The following ATRNL1 variants were observed in gnomAD, a reference collection of about 807,000 sequenced individuals.
ATRNL1 encodes attractin like 1.
In ATRNL1, 95 loss-of-function variants were observed where a neutral mutation model predicts 182.7. The ratio of observed to expected loss-of-function variants is 0.52; its 90% CI spans 0.44 to 0.62. The LOEUF (loss-of-function observed/expected upper bound fraction) is 0.62, where lower values mean the gene tolerates loss of function less well. Among genes scored for constraint, ATRNL1 ranks in the 20% least tolerant of loss-of-function variants. The pLI is 0.00. For missense variants in ATRNL1, 1,471 were observed against 1,679.5 expected (o/e 0.88, Z 2.17); for synonymous variants, 576 against 568.3 (o/e 1.01, Z -0.19).
chr10:115,772,693 C>T (rs782635434), intron 27 of ATRNL1, among the ~76,000 whole-genome samples: 11 of 148,832 alleles, frequency 7.4e-5, no homozygotes, highest in Non-Finnish European at 1.6e-4. Context: ...AAGCTAAAAG[C>T]CATAAGTATC....
intron 24 of ATRNL1, among the ~76,000 whole-genome samples, chr10:115,502,895 T>TA (rs1337149285): frequency 3.3e-5 from 5 of 152,056 alleles, no homozygotes; most frequent in Non-Finnish European, 5.9e-5. Flanking sequence ...AGTATAATTT[T>TA]AAAAAAAGGC....
intron 1 of ATRNL1, among the ~76,000 whole-genome samples, chr10:115,094,322 C>T (rs1441012742): frequency 2.6e-5 from 4 of 152,164 alleles, no homozygotes; most frequent in East Asian, 1.9e-4. Flanking sequence ...ACTTCTGATC[C>T]GCTGCTCAGC....
At chr10:115,490,980 G>T (rs1274915200) in intron 24 of ATRNL1, among the ~76,000 whole-genome samples, 1 of 152,112 alleles carries the variant, frequency 6.6e-6, no homozygotes, top group Non-Finnish European at 1.5e-5. Context: ...CCTTCTAACA[G>T]TCAGGCCCCT....
intron 26 of ATRNL1, among the ~76,000 whole-genome samples, chr10:115,662,460 G>C (rs940998387): frequency 6.6e-6 from 1 of 152,072 alleles, no homozygotes; most frequent in East Asian, 1.9e-4. Context: ...CCCATTACTG[G>C]TTATATACCC....
chr10:115,241,508 C>T (rs1276952153), intron 9 of ATRNL1, 63 bp from the exon 10 acceptor site: 2 of 1,140,492 alleles, frequency 1.8e-6, no homozygotes, highest in East Asian at 2.4e-5. Flanking sequence ...CTTTATATAA[C>T]ATATATAAAA....
intron 19 of ATRNL1, among the ~76,000 whole-genome samples, chr10:115,337,774 CT>C (rs1192949592): frequency 6.6e-6 from 1 of 152,084 alleles, no homozygotes; most frequent in Non-Finnish European, 1.5e-5. Context: ...ACCACATTTT[CT>C]TTATCCATTC....
intron 26 of ATRNL1, 140 bp downstream of exon 26, chr10:115,549,676 T>G (rs760981012): frequency 1.2e-5 from 6 of 506,536 alleles, no homozygotes; most frequent in Admixed American, 4.2e-5. Context: ...ATCACTCTAG[T>G]ATTTTTTAAG....
chr10:115,428,801 A>G (rs1362719474), intron 21 of ATRNL1, among the ~76,000 whole-genome samples: 2 of 152,118 alleles, frequency 1.3e-5, no homozygotes, highest in Non-Finnish European at 2.9e-5. Flanking sequence ...GCTGCAGTGA[A>G]TGAACATTCA....
chr10:115,215,932 A>G (rs782394619), intron 9 of ATRNL1, 52 bp downstream of exon 9: 3 of 1,344,246 alleles, frequency 2.2e-6, no homozygotes, highest in Non-Finnish European at 3.0e-6. Flanking sequence ...ATTGTAAATG[A>G]TTGACTTTAA....
intron 9 of ATRNL1, among the ~76,000 whole-genome samples, chr10:115,231,097 A>T (rs1175177045): frequency 6.6e-6 from 1 of 152,128 alleles, no homozygotes; most frequent in Non-Finnish European, 1.5e-5. Context: ...GCTTGTGGAT[A>T]TGTTAAATAG....
intron 19 of ATRNL1, among the ~76,000 whole-genome samples, chr10:115,362,145 G>A (rs186149489): frequency 6.6e-6 from 1 of 152,088 alleles, no homozygotes; most frequent in East Asian, 1.9e-4. Context: ...GGCAATGGTT[G>A]TAAATCTAGG....
intron 18 of ATRNL1, among the ~76,000 whole-genome samples, chr10:115,321,468 G>A (rs561785664): frequency 5.3e-5 from 8 of 152,116 alleles, no homozygotes; most frequent in African/African-American, 1.9e-4. Flanking sequence ...TTTCTGTAGT[G>A]GTAGCATTTG....
At chr10:115,886,420 A>G (rs1368589252) in intron 28 of ATRNL1, among the ~76,000 whole-genome samples, 4 of 152,208 alleles carry the variant, frequency 2.6e-5, no homozygotes, top group African/African-American at 9.6e-5. Context: ...AGGCAGAGGC[A>G]GGAGAATCGC....
chr10:115,502,313 T>G (rs564587948), intron 24 of ATRNL1, among the ~76,000 whole-genome samples: 1 of 152,220 alleles, frequency 6.6e-6, no homozygotes, highest in African/African-American at 2.4e-5. Flanking sequence ...TCTTAAAGGA[T>G]TAATTAGGTT....
chr10:115,280,185 T>TA (rs1456172960), intron 13 of ATRNL1, among the ~76,000 whole-genome samples: 3 of 152,190 alleles, frequency 2.0e-5, no homozygotes, highest in African/African-American at 7.2e-5. Flanking sequence ...TGTGTGAAGC[T>TA]AAAAGCCTAA....
At chr10:115,171,644 G>C (rs1554885662) in intron 8 of ATRNL1, among the ~76,000 whole-genome samples, 1 of 151,842 alleles carries the variant, frequency 6.6e-6, no homozygotes, top group East Asian at 1.9e-4. Context: ...TGCATTGCAT[G>C]GTTTCAGGAT....
In ATRNL1 at chr10:115,426,710, T is replaced by C. The variant is rs113058606; in HGVS notation, c.3322+408T>C. Among the ~76,000 whole-genome samples the C allele has an allele frequency of 5.4e-3, 820 of 152,210 alleles. 7 individuals are homozygous for C. Among genetic ancestry groups the C allele is most frequent in the African/African-American group, 0.018 (728 of 41,530 alleles). On this transcript the variant is annotated intron_variant, in intron 21 of 28. Coordinates refer to ENST00000355044, the MANE Select transcript of ATRNL1 (RefSeq NM_207303.4). Reference sequence around the variant, plus strand: ...CTTTCATTGGGTACTGATTATATGGTAGGTATATATTTAACTTTTGTTTTG... The same window carrying C: ...CTTTCATTGGGTACTGATTATATGGCAGGTATATATTTAACTTTTGTTTTG...
At chr10:115,160,325 G>A (rs2144000088) in intron 6 of ATRNL1, 111 bp downstream of exon 6, 1 of 1,009,956 alleles carries the variant, frequency 9.9e-7, no homozygotes, top group Non-Finnish European at 1.4e-6. Flanking sequence ...TTGTGGTAGT[G>A]TCTATTTGCT....
chr10:115,371,488 A>G (rs1232037696), intron 19 of ATRNL1, among the ~76,000 whole-genome samples: 3 of 152,238 alleles, frequency 2.0e-5, no homozygotes, highest in African/African-American at 7.2e-5. Context: ...GATGTGAGAC[A>G]TGGAGTCAAA....
Sources: gnomAD v4.1 joint callset for allele counts (sites outside exome capture counted in the v4.1 genomes callset) on GRCh38, gnomAD v4.1.1 for gene constraint, MANE v1.5 for transcripts, NCBI Gene and HGNC (gene_info 2026-07-23, HGNC 2026-07-21) for gene names.